SLC6A15: variants seen among roughly 807,000 people sequenced by gnomAD.
SLC6A15 encodes solute carrier family 6 member 15, also known as sodium-dependent neutral amino acid transporter B(0)AT2.
A neutral mutation model predicts 68.5 loss-of-function variants in SLC6A15; 33 were observed. That is an observed-to-expected ratio of 0.48 (90% CI 0.37 to 0.64). SLC6A15 has a LOEUF of 0.64. SLC6A15 is among the 30% of genes least tolerant of loss of function. The pLI is 0.00. For synonymous variants in SLC6A15, 347 were observed against 301.0 expected (o/e 1.15, Z -1.58); for missense variants, 747 against 874.3 (o/e 0.85, Z 1.84).
chr12:84,875,648 C>T (rs1228341376), intron 6 of SLC6A15, among the ~76,000 whole-genome samples: 2 of 93,076 alleles, frequency 2.1e-5, no homozygotes, highest in Non-Finnish European at 4.2e-5. Context: ...GTGGGGTGCA[C>T]CATATATATA....
chr12:84,864,064 T>C (rs1411292244), intron 10 of SLC6A15, among the ~76,000 whole-genome samples: 1 of 151,000 alleles, frequency 6.6e-6, no homozygotes, highest in Admixed American at 6.6e-5. Flanking sequence ...TAATAATTAC[T>C]TATTAGTAAA....
intron 1 of SLC6A15, among the ~76,000 whole-genome samples, chr12:84,906,679 GA>G (rs1565735084): frequency 6.6e-6 from 1 of 151,996 alleles, no homozygotes; most frequent in East Asian, 1.9e-4. Flanking sequence ...TTTCAATGGA[GA>G]AAAAAATAGC....
chr12:84,864,285 T>A (rs1870977163), intron 10 of SLC6A15, among the ~76,000 whole-genome samples: 1 of 151,474 alleles, frequency 6.6e-6, no homozygotes, highest in Admixed American at 6.6e-5. Context: ...CTAATTGTTA[T>A]GAATTGTTAT....
intron 9 of SLC6A15, among the ~76,000 whole-genome samples, chr12:84,869,464 C>CAAAAAA (rs34160834): frequency 1.4e-4 from 9 of 63,198 alleles, no homozygotes; most frequent in African/African-American, 1.8e-4. Context: ...GACTCCGTCT[C>CAAAAAA]AAAAAAAAAA....
intron 1 of SLC6A15, among the ~76,000 whole-genome samples, chr12:84,905,811 TCA>T: frequency 6.6e-6 from 1 of 152,098 alleles, no homozygotes; most frequent in East Asian, 1.9e-4. Flanking sequence ...TATGTATAAG[TCA>T]CATAAATCAA....
chr12:84,899,701 T>C (rs541672858), intron 1 of SLC6A15, among the ~76,000 whole-genome samples: 1 of 152,316 alleles, frequency 6.6e-6, no homozygotes, highest in Admixed American at 6.5e-5. Flanking sequence ...CATCTATCTA[T>C]GTATATGAAC....
In SLC6A15 at chr12:84,871,042, C is replaced by A. The variant is rs1482581443; in HGVS notation, c.1303-372G>T. Among the ~76,000 whole-genome samples the A allele has an allele frequency of 2.0e-5, 3 of 151,430 alleles. No individual in the cohort carries two copies. The South Asian group carries it at 6.2e-4, about 31-fold the overall frequency. ...ACATATTATCATAGATATATAAATA[C>A]AAATATATATATACAACTATTTCTG... On this transcript the variant is annotated intron_variant, in intron 8 of 11. Transcript: ENST00000266682.
chr12:84,868,888 A>G (rs1392548775), intron 9 of SLC6A15, among the ~76,000 whole-genome samples: 3 of 152,214 alleles, frequency 2.0e-5, no homozygotes, highest in Admixed American at 2.0e-4. Context: ...AAGGATAAGA[A>G]TACAAAAATG....
At chr12:84,894,161 T>C (rs1176378630) in intron 1 of SLC6A15, among the ~76,000 whole-genome samples, 4 of 152,166 alleles carry the variant, frequency 2.6e-5, no homozygotes, top group Non-Finnish European at 4.4e-5. Context: ...TTAATAAATA[T>C]AGCCATTGAA....
intron 6 of SLC6A15, among the ~76,000 whole-genome samples, chr12:84,875,216 AAG>A (rs1871465077): frequency 6.6e-6 from 1 of 152,160 alleles, no homozygotes; most frequent in African/African-American, 2.4e-5. Context: ...TTATACATAT[AAG>A]TATTTTTGGT....
chr12:84,861,527 C>T lies in SLC6A15; in HGVS notation c.*105G>A. 2 of 1,283,336 alleles carry T rather than the reference C, an allele frequency of 1.6e-6. No homozygotes were observed. The highest frequency in any genetic ancestry group is 1.5e-5 in the South Asian group (1 of 67,768). The allele number at this position is 1,283,336 out of a possible 1,614,324, so 79.5% of individuals were successfully genotyped here. On this transcript the variant is annotated 3_prime_UTR_variant, in exon 12 of 12. Transcript: ENST00000266682. Reference sequence around the variant, plus strand: ...AGGATTAAAGATCACAGCCACGGAACACCTGAGATTGCCCTCTGATAAGTG... The same window carrying T: ...AGGATTAAAGATCACAGCCACGGAATACCTGAGATTGCCCTCTGATAAGTG...
At chr12:84,911,147 C>G (rs111735423) in intron 1 of SLC6A15, among the ~76,000 whole-genome samples, 9,342 of 152,094 alleles carry the variant, frequency 0.061, 911 homozygotes, top group African/African-American at 0.21. Context: ...TGTGTCTGCA[C>G]ATAATAATTC....
intron 1 of SLC6A15, among the ~76,000 whole-genome samples, chr12:84,894,801 T>C (rs1022321478): frequency 6.6e-6 from 1 of 152,122 alleles, no homozygotes; most frequent in Admixed American, 6.6e-5. Context: ...CTGAAGGTCA[T>C]ATTTTCTATT....
At position 84,860,191 on chromosome 12, in the gene SLC6A15, G is replaced by A. The variant is rs1870786978; in HGVS notation, c.*1441C>T. The stretch of plus-strand genomic sequence containing the variant: ...CTGGCTGAAATAAATCAATTGATAT[G>A]GCATGTGTATTACCTCACTTATTTT... On this transcript the variant is annotated 3_prime_UTR_variant, in exon 12 of 12. Coordinates refer to ENST00000266682, the MANE Select transcript of SLC6A15 (RefSeq NM_182767.6). 1 of 151,932 alleles carries A rather than the reference G, an allele frequency of 6.6e-6. No individual in the cohort carries two copies. Among genetic ancestry groups the A allele is most frequent in the South Asian group, 2.1e-4 (1 of 4,838 alleles). The allele number at this position is 151,932 out of a possible 1,614,324, so 9.4% of individuals were successfully genotyped here.
At chr12:84,878,956 T>A (rs1442266187) in intron 5 of SLC6A15, among the ~76,000 whole-genome samples, 1 of 151,914 alleles carries the variant, frequency 6.6e-6, no homozygotes, top group Non-Finnish European at 1.5e-5. Context: ...TTTTTCACAG[T>A]TGCCAGAGCG....
At chr12:84,874,046 G>C (rs1219987888) in intron 6 of SLC6A15, among the ~76,000 whole-genome samples, 1 of 152,184 alleles carries the variant, frequency 6.6e-6, no homozygotes, top group African/African-American at 2.4e-5. Flanking sequence ...GATCAGCCAA[G>C]TGTGGCCCAG....
At chr12:84,898,673 GA>G (rs1773130200) in intron 1 of SLC6A15, among the ~76,000 whole-genome samples, 1 of 152,120 alleles carries the variant, frequency 6.6e-6, no homozygotes, top group Admixed American at 6.6e-5. Flanking sequence ...AGCACACTGA[GA>G]GGACTCAATA....
At chr12:84,903,019 G>C (rs1872957193) in intron 1 of SLC6A15, among the ~76,000 whole-genome samples, 1 of 152,096 alleles carries the variant, frequency 6.6e-6, no homozygotes. Context: ...CAATATGCTG[G>C]TTTTTATATA....
intron 8 of SLC6A15, among the ~76,000 whole-genome samples, chr12:84,872,030 TG>T (rs1277692158): frequency 2.0e-5 from 3 of 151,908 alleles, no homozygotes; most frequent in Non-Finnish European, 2.9e-5. Context: ...TGGTGGTATG[TG>T]CCTGTAATCC....
Sources: allele counts gnomAD v4.1 joint callset (sites outside exome capture counted in the v4.1 genomes callset), GRCh38; gene constraint gnomAD v4.1.1; transcripts MANE v1.5; gene names NCBI Gene and HGNC (gene_info 2026-07-23, HGNC 2026-07-21).